Variants in ZNF804B observed in about 807,000 individuals in gnomAD.
ZNF804B encodes zinc finger 804B.
In ZNF804B, 80 loss-of-function variants were observed where a neutral mutation model predicts 101.4. The ratio of observed to expected loss-of-function variants is 0.79; its 90% CI spans 0.66 to 0.95. The LOEUF is 0.95. Among genes scored for constraint, ZNF804B ranks in the 40% least tolerant of loss-of-function variants. ZNF804B has a pLI of 0.00. For missense variants in ZNF804B, 1,673 were observed against 1,561.9 expected, an observed-to-expected ratio of 1.07 and a Z score of -1.20; for synonymous variants, 622 against 558.8, an observed-to-expected ratio of 1.11 and a Z score of -1.59.
intron 1 of ZNF804B, among the ~76,000 whole-genome samples, chr7:88,965,081 C>A (rs919245127): frequency 1.3e-5 from 2 of 151,300 alleles, no homozygotes; most frequent in Admixed American, 1.3e-4. Context: ...AACATTTGAA[C>A]TCTTAAATAT....
At chr7:89,071,220 C>T (rs566714914) in intron 1 of ZNF804B, among the ~76,000 whole-genome samples, 59 of 152,174 alleles carry the variant, frequency 3.9e-4, no homozygotes, top group African/African-American at 1.4e-3. Flanking sequence ...GAGGTTGGTT[C>T]ACCCCATGCA....
intron 1 of ZNF804B, among the ~76,000 whole-genome samples, chr7:89,053,624 C>G (rs764061099): frequency 4.0e-5 from 6 of 151,854 alleles, no homozygotes; most frequent in Non-Finnish European, 8.8e-5. Flanking sequence ...ATAGTTTTTC[C>G]TGTTTCAGAT....
At chr7:89,239,458 A>C (rs565209130) in intron 2 of ZNF804B, among the ~76,000 whole-genome samples, 1 of 152,216 alleles carries the variant, frequency 6.6e-6, no homozygotes, top group South Asian at 2.1e-4. Flanking sequence ...AGCCCTTCAT[A>C]TGTCCTCAGA....
At chr7:89,292,013 T>C (rs1009227312) in intron 2 of ZNF804B, among the ~76,000 whole-genome samples, 1 of 152,046 alleles carries the variant, frequency 6.6e-6, no homozygotes, top group Non-Finnish European at 1.5e-5. Context: ...ACAAAATACT[T>C]TCATCCTAAA....
intron 1 of ZNF804B, among the ~76,000 whole-genome samples, chr7:88,763,635 A>T (rs11532755): frequency 0.052 from 7,885 of 151,982 alleles, 401 homozygotes; most frequent in East Asian, 0.28. Context: ...GAAACTGTGC[A>T]TTTTCTAAAT....
intron 2 of ZNF804B, among the ~76,000 whole-genome samples, chr7:89,247,763 AACTC>A (rs1789472629): frequency 1.3e-5 from 2 of 152,132 alleles, no homozygotes; most frequent in Admixed American, 1.3e-4. Context: ...CCAAAATGAA[AACTC>A]AGAAATGACA....
intron 1 of ZNF804B, among the ~76,000 whole-genome samples, chr7:89,200,423 A>G (rs1259717909): frequency 6.6e-6 from 1 of 152,004 alleles, no homozygotes; most frequent in Non-Finnish European, 1.5e-5. Context: ...AGCTGAGATC[A>G]TAAATCTCCT....
chr7:89,192,103 A>G (rs965856937), intron 1 of ZNF804B, among the ~76,000 whole-genome samples: 1 of 152,068 alleles, frequency 6.6e-6, no homozygotes, highest in African/African-American at 2.4e-5. Flanking sequence ...CTTATCATTA[A>G]CTGTTAACAG....
intron 2 of ZNF804B, among the ~76,000 whole-genome samples, chr7:89,274,157 C>CA (rs1562933787): frequency 2.4e-4 from 35 of 146,746 alleles, no homozygotes; most frequent in African/African-American, 8.8e-4. Flanking sequence ...ATTTTATTTT[C>CA]TTTTTCTTTT....
At chr7:89,306,751 G>A (rs1044273365) in intron 2 of ZNF804B, among the ~76,000 whole-genome samples, 1 of 151,794 alleles carries the variant, frequency 6.6e-6, no homozygotes, top group Non-Finnish European at 1.5e-5. Context: ...TATAGAAATG[G>A]TTATAACTTG....
chr7:88,813,295 C>A (rs1031118172), intron 1 of ZNF804B, among the ~76,000 whole-genome samples: 1 of 151,416 alleles, frequency 6.6e-6, no homozygotes, highest in Non-Finnish European at 1.5e-5. Flanking sequence ...GGCGTGGTGG[C>A]GGGCGCATGT....
At chr7:88,992,389 A>G (rs986780868) in intron 1 of ZNF804B, among the ~76,000 whole-genome samples, 2 of 152,130 alleles carry the variant, frequency 1.3e-5, no homozygotes, top group Non-Finnish European at 2.9e-5. Flanking sequence ...TTACATTATT[A>G]TGGTTGCTTA....
chr7:89,253,470 G>A (rs983799237), intron 2 of ZNF804B, among the ~76,000 whole-genome samples: 1 of 152,204 alleles, frequency 6.6e-6, no homozygotes, highest in African/African-American at 2.4e-5. Flanking sequence ...CTTTATTCAT[G>A]TAAACATATA....
chr7:89,242,665 G>T (rs1314874882), intron 2 of ZNF804B, among the ~76,000 whole-genome samples: 1 of 151,432 alleles, frequency 6.6e-6, no homozygotes, highest in African/African-American at 2.4e-5. Flanking sequence ...ACAGTATTAG[G>T]ATTTGACTCA....
chr7:88,771,858 A>G (rs7785139), intron 1 of ZNF804B, among the ~76,000 whole-genome samples: 74,677 of 151,910 alleles, frequency 0.49, 21,745 homozygotes, highest in East Asian at 0.79. Context: ...GAGAGGAGAT[A>G]TGAATTATGT....
In ZNF804B at chr7:89,333,471, G is replaced by A. The variant is rs1327759702; in HGVS notation, c.489G>A (p.Lys163=). The A allele has an allele frequency of 5.0e-6, 8 of 1,613,206 alleles. No individual in the cohort carries two copies. Among genetic ancestry groups the A allele is most frequent in the South Asian group, 3.3e-5 (3 of 91,048 alleles). ...ATGGCAGAAAGGTATCATGCATGAAGAGTGCTCTTCTCCTTAAAGGAAAAA... is the reference window on the plus strand; with the variant it reads ...ATGGCAGAAAGGTATCATGCATGAAAAGTGCTCTTCTCCTTAAAGGAAAAA... ...IKNGRKVSCM[K]SALLLKGKNL... Residue 163 remains lysine, a synonymous_variant, in exon 4 of 4, where the codon AAG becomes AAA. Coordinates refer to ENST00000333190, the MANE Select transcript of ZNF804B (RefSeq NM_181646.5).
At chr7:88,821,133 T>C (rs1161865717) in intron 1 of ZNF804B, among the ~76,000 whole-genome samples, 1 of 152,104 alleles carries the variant, frequency 6.6e-6, no homozygotes, top group African/African-American at 2.4e-5. Context: ...TACAAACATA[T>C]CTATTATGTA....
chr7:89,286,550 G>A (rs191641875), intron 2 of ZNF804B, among the ~76,000 whole-genome samples: 3 of 152,238 alleles, frequency 2.0e-5, no homozygotes, highest in South Asian at 2.1e-4. Context: ...ATACGGAGTC[G>A]GTGAGGTTTT....
At chr7:89,160,805 T>G (rs1164060430) in intron 1 of ZNF804B, among the ~76,000 whole-genome samples, 2 of 152,190 alleles carry the variant, frequency 1.3e-5, no homozygotes, top group African/African-American at 2.4e-5. Context: ...GCTAAGAACA[T>G]CATATCATCT....
Sources: allele counts gnomAD v4.1 joint callset (sites outside exome capture counted in the v4.1 genomes callset), GRCh38; gene constraint gnomAD v4.1.1; transcripts MANE v1.5; gene names NCBI Gene and HGNC (gene_info 2026-07-23, HGNC 2026-07-21).